The following NOL4 variants were observed in gnomAD, a reference collection of about 807,000 sequenced individuals.
The protein encoded by NOL4 is cancer/testis antigen 125.
Under a neutral mutation model 75.9 loss-of-function variants are expected in NOL4, and 17 were observed. The ratio of observed to expected loss-of-function variants is 0.22; its 90% confidence interval spans 0.15 to 0.34. The LOEUF is 0.34. Among genes scored for constraint, NOL4 ranks in the 10% least tolerant of loss-of-function variants. The probability of loss-of-function intolerance (pLI) is 1.00; values close to 1 mark genes in which losing one functional copy is unlikely to be tolerated. For missense variants in NOL4, 614 were observed against 793.5 expected (o/e 0.77, Z 2.72); for synonymous variants, 292 against 289.9 (o/e 1.01, Z -0.07).
intron 10 of NOL4, among the ~76,000 whole-genome samples, chr18:33,881,061 G>A (rs1008319861): frequency 1.4e-5 from 2 of 147,910 alleles, no homozygotes; most frequent in Non-Finnish European, 1.5e-5. Flanking sequence ...ACAAAACAAA[G>A]CAAAAAAACA....
At chr18:34,036,935 A>AAAAT (rs1423859180) in intron 5 of NOL4, among the ~76,000 whole-genome samples, 2 of 152,170 alleles carry the variant, frequency 1.3e-5, no homozygotes, top group African/African-American at 4.8e-5. Context: ...CCATCTTAAA[A>AAAAT]AAATAAATAA....
At chr18:34,051,998 C>G (rs1240617766) in intron 5 of NOL4, among the ~76,000 whole-genome samples, 1 of 151,924 alleles carries the variant, frequency 6.6e-6, no homozygotes, top group Non-Finnish European at 1.5e-5. Flanking sequence ...GTGGCCAACT[C>G]TCTCCTAAGG....
chr18:34,024,193 AAAT>A (rs1216240312), intron 5 of NOL4, among the ~76,000 whole-genome samples: 1,648 of 110,242 alleles, frequency 0.015, 99 homozygotes, highest in East Asian at 0.07. Flanking sequence ...AAAAAAAAAA[AAAT>A]ATATATATAT....
intron 5 of NOL4, among the ~76,000 whole-genome samples, chr18:34,034,197 A>G (rs2075776238): frequency 6.6e-6 from 1 of 152,208 alleles, no homozygotes; most frequent in Non-Finnish European, 1.5e-5. Flanking sequence ...GACAGACAAT[A>G]AGGAAAAAAT....
At chr18:34,081,364 A>C (rs1410841825) in intron 5 of NOL4, among the ~76,000 whole-genome samples, 2 of 152,146 alleles carry the variant, frequency 1.3e-5, no homozygotes, top group Non-Finnish European at 2.9e-5. Flanking sequence ...GATAATTTCC[A>C]CATTATACAC....
chr18:34,076,588 T>A (rs1213890170), intron 5 of NOL4, among the ~76,000 whole-genome samples: 2 of 152,064 alleles, frequency 1.3e-5, no homozygotes, highest in African/African-American at 2.4e-5. Context: ...GACTGGAGGG[T>A]GTTTCTTAGT....
At chr18:34,010,235 C>A (rs1005571623) in intron 6 of NOL4, among the ~76,000 whole-genome samples, 1 of 151,912 alleles carries the variant, frequency 6.6e-6, no homozygotes, top group South Asian at 2.1e-4. Context: ...TTGGCTTCCA[C>A]GTATGAGTAA....
chr18:34,141,801 A>G (rs1390321870), intron 1 of NOL4, among the ~76,000 whole-genome samples: 1 of 152,204 alleles, frequency 6.6e-6, no homozygotes, highest in Non-Finnish European at 1.5e-5. Context: ...AAACACCAAA[A>G]GCAATGGCAA....
intron 5 of NOL4, 119 bp downstream of exon 5, chr18:34,093,346 T>A: frequency 9.7e-7 from 1 of 1,026,652 alleles, no homozygotes; most frequent in Non-Finnish European, 1.4e-6. Context: ...AAAGTTCCCA[T>A]AGAAATGGGT....
At chr18:33,883,162 T>C in intron 10 of NOL4, 82 bp downstream of exon 10, 2 of 1,037,678 alleles carry the variant, frequency 1.9e-6, no homozygotes. Flanking sequence ...CATATGTAAC[T>C]AACCTGCGCA....
chr18:34,042,182 C>G (rs1373018745), intron 5 of NOL4, among the ~76,000 whole-genome samples: 1 of 151,962 alleles, frequency 6.6e-6, no homozygotes, highest in East Asian at 1.9e-4. Context: ...TTTCCTTACT[C>G]TAATTTTCAT....
chr18:33,944,641 T>C (rs932546667), intron 8 of NOL4, among the ~76,000 whole-genome samples: 6 of 151,804 alleles, frequency 4.0e-5, no homozygotes, highest in African/African-American at 1.5e-4. Context: ...AATGTCATTT[T>C]TGCAAAAAAG....
intron 9 of NOL4, among the ~76,000 whole-genome samples, chr18:33,912,085 G>A (rs892634750): frequency 2.0e-5 from 3 of 152,032 alleles, no homozygotes; most frequent in African/African-American, 7.2e-5. Context: ...TCTATAATAT[G>A]TAGTGTCTTC....
intron 6 of NOL4, among the ~76,000 whole-genome samples, chr18:33,963,858 T>C (rs1360832734): frequency 6.6e-6 from 1 of 152,176 alleles, no homozygotes; most frequent in African/African-American, 2.4e-5. Context: ...TGCTTATCTG[T>C]AGTCAGAGCC....
chr18:33,927,623 A>G (rs556887427), intron 9 of NOL4, among the ~76,000 whole-genome samples: 2 of 152,224 alleles, frequency 1.3e-5, no homozygotes, highest in South Asian at 2.1e-4. Flanking sequence ...AATTTGAAAA[A>G]TGTATAAGGA....
chr18:34,098,536 C>A (rs974682644), intron 4 of NOL4, among the ~76,000 whole-genome samples: 2 of 151,992 alleles, frequency 1.3e-5, no homozygotes, highest in African/African-American at 4.8e-5. Context: ...AATAAATCAC[C>A]CAGAGGTTCT....
At chr18:34,156,649 T>C (rs1362365178) in intron 1 of NOL4, 1 of 152,360 alleles carries the variant, frequency 6.6e-6, no homozygotes, top group African/African-American at 2.4e-5. Context: ...CTCACGTCTG[T>C]TCACTCGTCT....
chr18:33,863,925 C>A (rs2144342731), intron 10 of NOL4, among the ~76,000 whole-genome samples: 1 of 152,294 alleles, frequency 6.6e-6, no homozygotes, highest in East Asian at 1.9e-4. Flanking sequence ...GGTTCCGAAG[C>A]CTCAAATCTT....
intron 9 of NOL4, among the ~76,000 whole-genome samples, chr18:33,938,596 T>C (rs971353722): frequency 1.3e-5 from 2 of 152,184 alleles, no homozygotes; most frequent in Non-Finnish European, 2.9e-5. Context: ...GAAGCGTCTG[T>C]TCATATCCTT....
Sources: allele counts gnomAD v4.1 joint callset (sites outside exome capture counted in the v4.1 genomes callset), GRCh38; gene constraint gnomAD v4.1.1; transcripts MANE v1.5; gene names NCBI Gene and HGNC (gene_info 2026-07-23, HGNC 2026-07-21).